Variants in TMEM62 observed in about 807,000 individuals in gnomAD.
TMEM62 encodes the protein transmembrane protein 62.
A neutral mutation model predicts 70.4 loss-of-function variants in TMEM62; 41 were observed. The ratio of observed to expected loss-of-function variants is 0.58; its 90% CI spans 0.45 to 0.76. The LOEUF (loss-of-function observed/expected upper bound fraction) is 0.76. TMEM62 is among the 30% of genes least tolerant of loss of function. TMEM62 has a pLI of 0.00. For missense variants in TMEM62, 688 were observed against 788.5 expected (o/e 0.87, Z 1.53); for synonymous variants, 268 against 291.0 (o/e 0.92, Z 0.80).
At chr15:43,182,524 G>T (rs1391663309) in intron 13 of TMEM62, among the ~76,000 whole-genome samples, 1 of 151,286 alleles carries the variant, frequency 6.6e-6, no homozygotes, top group Non-Finnish European at 1.5e-5. Context: ...CATCGTCTCG[G>T]CTCACTGCAA....
Position 43,138,771 on chromosome 15 carries a change from A to G in TMEM62, c.476+152A>G, listed in dbSNP as rs151026096. The G allele has an allele frequency of 1.1e-3, 719 of 630,536 alleles. 2 individuals carry two copies. The African/African-American group carries it at 0.012, about 10-fold the overall frequency. The allele number at this position is 630,536 out of a possible 1,614,324, so 39.1% of individuals were successfully genotyped here. A position where few individuals can be genotyped will look rare whatever the true frequency, so the allele number is the denominator to read the frequency against. ...CCAGGCTAGCTCTGAACTGAGCTCA[A>G]ACGATCCTCCTGCCTCAGACTCCTG... On this transcript the variant is annotated intron_variant, in intron 4 of 13. Coordinates refer to ENST00000260403, the MANE Select transcript of TMEM62 (RefSeq NM_024956.4).
intron 10 of TMEM62, among the ~76,000 whole-genome samples, chr15:43,167,448 G>C (rs1596318506): frequency 6.6e-6 from 1 of 151,576 alleles, no homozygotes; most frequent in Admixed American, 6.6e-5. Context: ...CTTCTCAGAC[G>C]GGGCGGCCCG....
chr15:43,139,560 A>C (rs2035714609), intron 4 of TMEM62, among the ~76,000 whole-genome samples: 1 of 152,248 alleles, frequency 6.6e-6, no homozygotes, highest in Non-Finnish European at 1.5e-5. Context: ...AGGCAAAGGA[A>C]AAGTTCTTGA....
At chr15:43,154,600 A>G (rs1206544620) in intron 8 of TMEM62, 72 bp from the exon 9 acceptor site, 3 of 1,394,382 alleles carry the variant, frequency 2.2e-6, no homozygotes, top group African/African-American at 2.9e-5. Flanking sequence ...GCAAGTTACA[A>G]TAAGGTTATT....
At chr15:43,181,852 G>A (rs1283112295) in intron 13 of TMEM62, among the ~76,000 whole-genome samples, 2 of 152,186 alleles carry the variant, frequency 1.3e-5, no homozygotes, top group Non-Finnish European at 2.9e-5. Context: ...AGAAGTTTTT[G>A]TTGTTTTTGT....
chr15:43,142,949 C>T (rs1483000279), intron 4 of TMEM62, among the ~76,000 whole-genome samples: 39 of 152,056 alleles, frequency 2.6e-4, no homozygotes, highest in Non-Finnish European at 5.9e-5. Flanking sequence ...GGGTAACAGG[C>T]GTGAGCCACC....
intron 3 of TMEM62, among the ~76,000 whole-genome samples, chr15:43,137,054 A>T (rs1365643660): frequency 6.6e-6 from 1 of 152,118 alleles, no homozygotes; most frequent in African/African-American, 2.4e-5. Flanking sequence ...CACCTAGCTT[A>T]AAAAGTTTAA....
chr15:43,152,168 T>C (rs2037475595), intron 8 of TMEM62, among the ~76,000 whole-genome samples: 1 of 152,246 alleles, frequency 6.6e-6, no homozygotes, highest in African/African-American at 2.4e-5. Context: ...CAGAAATCTA[T>C]AATTCTACCA....
chr15:43,178,242 C>A (rs2040971959), intron 11 of TMEM62, among the ~76,000 whole-genome samples: 1 of 151,840 alleles, frequency 6.6e-6, no homozygotes, highest in African/African-American at 2.4e-5. Flanking sequence ...TAGTATGGTG[C>A]TCTGGTAGGT....
intron 9 of TMEM62, among the ~76,000 whole-genome samples, chr15:43,159,077 T>A (rs2038370594): frequency 6.6e-6 from 1 of 152,210 alleles, no homozygotes; most frequent in Admixed American, 6.5e-5. Flanking sequence ...TGCATTTTTT[T>A]CTTTAAAAAA....
At chr15:43,177,177 T>A (rs1048441397) in intron 11 of TMEM62, among the ~76,000 whole-genome samples, 2 of 151,952 alleles carry the variant, frequency 1.3e-5, no homozygotes, top group African/African-American at 4.8e-5. Context: ...CCAAGAAATA[T>A]GGGACTATGT....
chr15:43,152,509 C>T (rs2037522627), intron 8 of TMEM62, among the ~76,000 whole-genome samples: 1 of 152,172 alleles, frequency 6.6e-6, no homozygotes, highest in African/African-American at 2.4e-5. Context: ...TTTCTCATGC[C>T]TCAGCCTCTG....
intron 4 of TMEM62, 75 bp from the exon 5 acceptor site, chr15:43,146,418 C>T: frequency 7.2e-7 from 1 of 1,380,928 alleles, no homozygotes; most frequent in Non-Finnish European, 9.8e-7. Flanking sequence ...AAGGTAAAAT[C>T]TAGCGTATTA....
intron 11 of TMEM62, among the ~76,000 whole-genome samples, chr15:43,176,930 A>T (rs2040819399): frequency 6.6e-6 from 1 of 152,050 alleles, no homozygotes. Context: ...AAGAAGTTAA[A>T]AACTTTGAAA....
chr15:43,170,934 C>G (rs1346142168), intron 11 of TMEM62, among the ~76,000 whole-genome samples: 1 of 152,166 alleles, frequency 6.6e-6, no homozygotes, highest in Non-Finnish European at 1.5e-5. Flanking sequence ...GCCAAGAGTA[C>G]AGAATCAAGT....
At chr15:43,143,863 A>G (rs1266715157) in intron 4 of TMEM62, among the ~76,000 whole-genome samples, 2 of 152,258 alleles carry the variant, frequency 1.3e-5, no homozygotes, top group African/African-American at 2.4e-5. Flanking sequence ...TGCATTGTCA[A>G]TCAATCATGT....
chr15:43,165,123 CTAT>C (rs200769607), intron 10 of TMEM62, among the ~76,000 whole-genome samples: 2,084 of 152,148 alleles, frequency 0.014, 41 homozygotes, highest in African/African-American at 0.048. Flanking sequence ...AAAAAGTTCT[CTAT>C]TATTATTTTT....
chr15:43,160,480 G>A (rs745509488), intron 9 of TMEM62: 36 of 479,274 alleles, frequency 7.5e-5, no homozygotes, highest in Non-Finnish European at 1.1e-4. Context: ...GATGAAAGCT[G>A]CAGTGAGCTA....
At chr15:43,181,085 T>G (rs2041285119) in intron 12 of TMEM62, 96 bp from the exon 13 acceptor site, 1 of 823,442 alleles carries the variant, frequency 1.2e-6, no homozygotes, top group Admixed American at 1.9e-5. Context: ...GCTAGTCTCA[T>G]ATCTCTGCTT....
Sources: gnomAD v4.1 joint callset for allele counts (sites outside exome capture counted in the v4.1 genomes callset) on GRCh38, gnomAD v4.1.1 for gene constraint, MANE v1.5 for transcripts, NCBI Gene and HGNC (gene_info 2026-07-23, HGNC 2026-07-21) for gene names.